MUC22: variants seen among roughly 807,000 people sequenced by gnomAD.
MUC22 encodes mucin 22.
MUC22 carries 24 observed loss-of-function variants against 40.3 expected under a neutral mutation model. The observed-to-expected ratio is 0.60, with a 90% CI of 0.43 to 0.84. The LOEUF (loss-of-function observed/expected upper bound fraction) is 0.84. Ranked by LOEUF, MUC22 falls within the 40% of genes least tolerant of loss-of-function variation. MUC22 has a pLI of 0.00. For synonymous variants in MUC22, 765 were observed against 844.5 expected (o/e 0.91, Z 1.63); for missense variants, 1,926 against 2,130.7 (o/e 0.90, Z 1.89).
intron 1 of MUC22, among the ~76,000 whole-genome samples, chr6:31,015,841 C>T (rs574715036): frequency 6.6e-6 from 1 of 151,656 alleles, no homozygotes; most frequent in Non-Finnish European, 1.5e-5. Flanking sequence ...TTGTATCAGT[C>T]AGTTCTGGGA....
chr6:31,032,153 ATC>A lies in MUC22; in HGVS notation c.4670-39_4670-38del. The A allele has an allele frequency of 6.7e-7, 1 of 1,498,186 alleles. No homozygotes were observed. The highest frequency in any genetic ancestry group is 8.9e-7 in the Non-Finnish European group (1 of 1,128,300). 92.8% of individuals were successfully genotyped at this position (1,498,186 alleles called of 1,614,324 possible). ...TAAGCACCCCCATTCCCCTTTAATC[ATC>A]TCTGCTACAAATGCATCATCTTGTG... On this transcript the variant is annotated intron_variant, in intron 2 of 3. Transcript: ENST00000561890. This position sits in a 1 kb window ranked among gnomAD's most constrained non-coding sequence, Gnocchi z 4.1.
At chr6:31,010,624 C>T (rs1382925789) in exon 1 of MUC22, 3 of 695,426 alleles carry the variant, frequency 4.3e-6, no homozygotes, top group African/African-American at 3.5e-5. Flanking sequence ...GGGGGTTTGC[C>T]CCTTGTCTCT....
chr6:31,013,428 CT>C (rs1171897790), intron 1 of MUC22, among the ~76,000 whole-genome samples: 3 of 152,022 alleles, frequency 2.0e-5, no homozygotes, highest in Non-Finnish European at 4.4e-5. Flanking sequence ...GGCCTGGCCC[CT>C]CACCCCCATT....
At chr6:31,027,196 T>C in exon 2 of MUC22, 1 of 1,501,004 alleles carries the variant, frequency 6.7e-7, no homozygotes, top group East Asian at 2.5e-5. Context: ...AATCAGAGCC[T>C]CTACCGTAGG....
intron 1 of MUC22, among the ~76,000 whole-genome samples, chr6:31,021,074 T>A (rs933984939): frequency 8.4e-4 from 128 of 152,324 alleles, no homozygotes; most frequent in African/African-American, 2.8e-3. Context: ...GGGCGCCCAG[T>A]CCCACCGACC....
chr6:31,019,505 C>G (rs1408445156), intron 1 of MUC22, among the ~76,000 whole-genome samples: 3 of 152,186 alleles, frequency 2.0e-5, no homozygotes, highest in Admixed American at 6.5e-5. Flanking sequence ...CAGAGCAAAG[C>G]AGATATCAGG....
chr6:31,016,464 T>C lies in MUC22; in HGVS notation c.70+5688T>C, dbSNP rs192966076. ...CAAAATGTCAGTATCTAGTGTTGGCTAATTTCTTTCCACAAGAAGAATTCT... is the reference window on the plus strand; with the variant it reads ...CAAAATGTCAGTATCTAGTGTTGGCCAATTTCTTTCCACAAGAAGAATTCT... On this transcript the variant is annotated intron_variant, in intron 1 of 3. Transcript: ENST00000561890. Among the ~76,000 whole-genome samples the C allele has an allele frequency of 2.8e-3, 424 of 148,932 alleles. 5 individuals are homozygous for C. The highest frequency in any genetic ancestry group is 0.01 in the African/African-American group (407 of 40,064).
chr6:31,027,640 A>C, exon 2 of MUC22: 1 of 1,529,656 alleles, frequency 6.5e-7, no homozygotes, highest in Non-Finnish European at 8.7e-7. Flanking sequence ...TGAGACCACC[A>C]CAGCCTCTAA....
chr6:31,031,644 A>C (rs1349830511), intron 2 of MUC22, among the ~76,000 whole-genome samples: 2 of 151,978 alleles, frequency 1.3e-5, no homozygotes, highest in Non-Finnish European at 2.9e-5. Flanking sequence ...ACCATATTTG[A>C]AGTCTTTTAT....
In MUC22 at chr6:31,016,649, G is replaced by A. The variant is rs59723032; in HGVS notation, c.70+5873G>A. On this transcript the variant is annotated intron_variant, in intron 1 of 3. Coordinates refer to ENST00000561890, the Ensembl canonical transcript of MUC22. ...AGGTGACAGGGTGCTGGCAGCCCTCGCTCAGTCTCGGAGCCTCCTCGGCCT... is the reference window on the plus strand; with the variant it reads ...AGGTGACAGGGTGCTGGCAGCCCTCACTCAGTCTCGGAGCCTCCTCGGCCT... 2.1e-3 allele frequency among the ~76,000 whole-genome samples: 319 copies of A among 152,356 alleles called. 1 individual carries two copies. The highest frequency in any genetic ancestry group is 7.0e-3 in the African/African-American group (291 of 41,582).
At chr6:31,030,924 C>A (rs62401671) in intron 2 of MUC22, among the ~76,000 whole-genome samples, 17,338 of 152,076 alleles carry the variant, frequency 0.11, 1,149 homozygotes, top group Middle Eastern at 0.17. Flanking sequence ...TCTGCTTTTC[C>A]GTGTATTTGC....
upstream of MUC22, chr6:31,006,121 TA>T: frequency 5.0e-6 from 2 of 397,240 alleles, no homozygotes; most frequent in South Asian, 1.8e-5. Context: ...AAATGAAAAA[TA>T]AAAAATGTTA....
chr6:31,027,199 A>G (rs1765471655), exon 2 of MUC22: 2 of 1,494,718 alleles, frequency 1.3e-6, no homozygotes, highest in African/African-American at 2.8e-5. Context: ...CAGAGCCTCT[A>G]CCGTAGGCTC....
chr6:31,012,039 T>A (rs1763896581), intron 1 of MUC22, among the ~76,000 whole-genome samples: 1 of 152,208 alleles, frequency 6.6e-6, no homozygotes, highest in Admixed American at 6.5e-5. Context: ...GGGCTCCGTG[T>A]GACTCCAATG....
intron 1 of MUC22, among the ~76,000 whole-genome samples, chr6:31,015,343 T>C (rs1389675708): frequency 6.6e-6 from 1 of 152,056 alleles, no homozygotes; most frequent in South Asian, 2.1e-4. Flanking sequence ...AAATTAAAAA[T>C]ATATATACAA....
chr6:31,025,736 G>GGACTACTATA lies in MUC22; in HGVS notation c.307_316dup (p.Ala106AspfsTer7), dbSNP rs1440369371. Reference sequence around the variant, plus strand: ...AACACGGCCTCCACCACAGACTCAGGGACTACTATAGCCTCCACTAGGACC... The same window carrying GGACTACTATA: ...AACACGGCCTCCACCACAGACTCAGGGACTACTATAGACTACTATAGCCTCCACTAGGACC... On this transcript the variant is annotated frameshift_variant, in exon 2 of 4. Transcript: ENST00000561890. LOFTEE classifies it high-confidence loss of function. 6.6e-7 allele frequency: 1 copy of GGACTACTATA among 1,526,136 alleles called. No individual in the cohort carries two copies. The highest frequency in any genetic ancestry group is 8.8e-7 in the Non-Finnish European group (1 of 1,140,918). The allele number at this position is 1,526,136 out of a possible 1,614,324, so 94.5% of individuals were successfully genotyped here.
chr6:31,017,819 G>A (rs1207064074), intron 1 of MUC22, among the ~76,000 whole-genome samples: 1 of 152,232 alleles, frequency 6.6e-6, no homozygotes, highest in Non-Finnish European at 1.5e-5. Context: ...AAAGCAGGCT[G>A]CCCTGAGCCA....
At chr6:31,029,459 C>T in exon 2 of MUC22, 2 of 1,534,886 alleles carry the variant, frequency 1.3e-6, no homozygotes, top group Non-Finnish European at 1.7e-6. Flanking sequence ...ACCTCAGGCT[C>T]TGGGACCACC....
At chr6:31,028,565 C>T in exon 2 of MUC22, 1 of 1,534,138 alleles carries the variant, frequency 6.5e-7, no homozygotes, top group Non-Finnish European at 8.7e-7. Context: ...TCTGAGACCA[C>T]CAAGGTCTCC....
Sources: gnomAD v4.1 joint callset for allele counts (sites outside exome capture counted in the v4.1 genomes callset) on GRCh38, gnomAD v4.1.1 for gene constraint, Gnocchi (gnomAD v3.1) non-coding constraint, MANE v1.5 for transcripts, NCBI Gene and HGNC (gene_info 2026-07-23, HGNC 2026-07-21) for gene names.